PNISR: variants seen among roughly 807,000 people sequenced by gnomAD.
PNISR encodes the protein arginine/serine-rich protein PNISR.
PNISR carries 20 observed loss-of-function variants against 93.4 expected under a neutral mutation model. That is an observed-to-expected ratio of 0.21 (90% CI 0.15 to 0.31). The LOEUF is 0.31. Among genes scored for constraint, PNISR ranks in the 10% least tolerant of loss-of-function variants. The probability of loss-of-function intolerance (pLI) is 1.00; values close to 1 mark genes in which losing one functional copy is unlikely to be tolerated. For missense variants in PNISR, 893 were observed against 985.4 expected (o/e 0.91, Z 1.25); for synonymous variants, 305 against 306.5 (o/e 0.99, Z 0.05).
At chr6:99,408,649 C>T (rs1409316425) in intron 6 of PNISR, among the ~76,000 whole-genome samples, 2 of 152,170 alleles carry the variant, frequency 1.3e-5, no homozygotes, top group Non-Finnish European at 2.9e-5. Flanking sequence ...CCATTAAATA[C>T]TGAACAATTT....
chr6:99,399,062 T>C lies in PNISR; in HGVS notation c.*1478A>G, dbSNP rs1775167256. 1.3e-5 allele frequency: 2 copies of C among 152,130 alleles called. No homozygotes were observed. The highest frequency in any genetic ancestry group is 2.9e-5 in the Non-Finnish European group (2 of 67,956). The allele number at this position is 152,130 out of a possible 1,614,324, so 9.4% of individuals were successfully genotyped here. A position where few individuals can be genotyped will look rare whatever the true frequency, so the allele number is the denominator to read the frequency against. On this transcript the variant is annotated 3_prime_UTR_variant, in exon 12 of 12. Transcript: ENST00000369239. Reference sequence around the variant, plus strand: ...AGCACACTATACAAATCTATTTCTATCTTCATGTTGAGGAAACACTGATCT... The same window carrying C: ...AGCACACTATACAAATCTATTTCTACCTTCATGTTGAGGAAACACTGATCT...
chr6:99,410,692 AT>A (rs577326859), intron 5 of PNISR, 48 bp downstream of exon 5: 2 of 1,347,410 alleles, frequency 1.5e-6, no homozygotes, highest in South Asian at 2.4e-5. Context: ...CTTCCAAAGA[AT>A]GGATTACGTG....
intron 3 of PNISR, 97 bp from the exon 4 acceptor site, chr6:99,412,836 T>C (rs1777125590): frequency 1.3e-6 from 1 of 766,936 alleles, no homozygotes; most frequent in Non-Finnish European, 2.0e-6. Flanking sequence ...TCCTTAGATC[T>C]TAAATATTTC....
chr6:99,410,380 C>A, intron 5 of PNISR: 1 of 182,104 alleles, frequency 5.5e-6, no homozygotes, highest in Non-Finnish European at 1.2e-5. Flanking sequence ...ATTTTTTATT[C>A]ATGTCTTAAC....
At chr6:99,425,162 A>G (rs1409636707) in intron 1 of PNISR, 53 bp downstream of exon 1, 2 of 1,161,894 alleles carry the variant, frequency 1.7e-6, no homozygotes, top group Non-Finnish European at 1.1e-6. Context: ...AGAAACCAAG[A>G]ACGTTGTAAT....
chr6:99,409,196 A>G lies in PNISR; in HGVS notation c.650T>C (p.Val217Ala). The change falls in exon 6 of 12, where the codon GTG becomes GCG. Residue 217 changes from valine to alanine, a missense_variant. Physicochemically the swap from Val to Ala is moderately conservative, Grantham distance 64. Coordinates refer to ENST00000369239, the MANE Select transcript of PNISR (RefSeq NM_032870.4). Reference protein sequence around the residue: ...DRQRSPIALPVKQEPPQIDAV... With the variant: ...DRQRSPIALPAKQEPPQIDAV... ...ACCAATTTGTGGAGGCTCCTGCTTC[A>G]CAGGAAGTGCAATAGGTGAACGCTG... is the stretch of plus-strand genomic sequence containing the variant. The G allele has an allele frequency of 1.2e-6, 2 of 1,613,762 alleles. No homozygotes were observed. Among genetic ancestry groups the G allele is most frequent in the Non-Finnish European group, 1.7e-6 (2 of 1,179,734 alleles).
chr6:99,410,112 T>G (rs1378853884), intron 5 of PNISR: 1 of 152,256 alleles, frequency 6.6e-6, no homozygotes, highest in African/African-American at 2.4e-5. Context: ...AGTTAATAAT[T>G]GCAATCAGTT....
rs771796544 is a variant in PNISR, at chr6:99,400,849, C to A, written c.2109G>T (p.Lys703Asn). 1 of 1,605,138 alleles carries A rather than the reference C, an allele frequency of 6.2e-7. No individual in the cohort carries two copies. The highest frequency in any genetic ancestry group is 8.5e-7 in the Non-Finnish European group (1 of 1,175,262). ...TTAATCTATCATCCTGACTACTGAA[C>A]TTAAAATCTTTTTCTTCCCTTTTTT... is the stretch of plus-strand genomic sequence containing the variant. ...EKQKREEKDFKFSSQDDRLKR... is the reference protein window; with the variant it reads ...EKQKREEKDFNFSSQDDRLKR... The change falls in exon 12 of 12, where the codon AAG becomes AAT. Residue 703 changes from lysine to asparagine, a missense_variant. Around this residue, in one of 3 missense-constraint regions of PNISR, gnomAD observed 866 missense variants for 935.1 expected, o/e 0.93. Coordinates refer to ENST00000369239, the MANE Select transcript of PNISR (RefSeq NM_032870.4).
intron 8 of PNISR, among the ~76,000 whole-genome samples, chr6:99,405,326 G>C (rs896270498): frequency 6.6e-6 from 1 of 151,928 alleles, no homozygotes; most frequent in Non-Finnish European, 1.5e-5. Context: ...AATTAGCCAG[G>C]CATGGTGGTG....
intron 6 of PNISR, 41 bp from the exon 7 acceptor site, chr6:99,408,312 A>C: frequency 7.4e-7 from 1 of 1,351,206 alleles, no homozygotes; most frequent in East Asian, 2.3e-5. Context: ...CAGTTAAGTA[A>C]AATATTTCTA....
chr6:99,413,352 C>T (rs1337715681), intron 3 of PNISR, among the ~76,000 whole-genome samples: 2 of 152,048 alleles, frequency 1.3e-5, no homozygotes, highest in Non-Finnish European at 2.9e-5. Flanking sequence ...GACTCTCTTC[C>T]CAAGATACAT....
At chr6:99,419,473 C>T (rs377371551) in intron 1 of PNISR, among the ~76,000 whole-genome samples, 9 of 151,754 alleles carry the variant, frequency 5.9e-5, no homozygotes, top group East Asian at 1.9e-4. Context: ...CTGCATTAAG[C>T]GAAAAAAAGG....
intron 5 of PNISR, 159 bp downstream of exon 5, chr6:99,410,582 A>T: frequency 3.7e-6 from 2 of 536,264 alleles, no homozygotes; most frequent in South Asian, 6.9e-5. Context: ...AACAAATTCT[A>T]ATTATTTTAA....
Position 99,409,308 on chromosome 6 carries a change from G to T in PNISR, c.538C>A (p.His180Asn). Reference protein sequence around the residue: ...AAFGPPQGGFHPPYWQPGPPG... With the variant: ...AAFGPPQGGFNPPYWQPGPPG... ...GGTCCTGGTTGCCAATAAGGAGGAT[G>T]AAATCCACCTTGCGGTGGACCAAAA... The change falls in exon 6 of 12, where the codon CAT becomes AAT. Residue 180 changes from histidine to asparagine, a missense_variant. By Grantham distance (68) the His-to-Asn change is moderately conservative. Transcript: ENST00000369239. 6.2e-7 allele frequency: 1 copy of T among 1,613,852 alleles called. No individual in the cohort carries two copies. The highest frequency in any genetic ancestry group is 8.5e-7 in the Non-Finnish European group (1 of 1,179,920).
rs954723697 is a variant in PNISR at position 99,418,130 on chromosome 6, GTTA to G, written c.-111-1705_-111-1703del. On this transcript the variant is annotated intron_variant, in intron 1 of 11. Coordinates refer to ENST00000369239, the MANE Select transcript of PNISR (RefSeq NM_032870.4). ...TGTTTCATGGGTTGAAACTTTTATT[GTTA>G]TTATTATTATTATATTTTTTTTGAG... Among the ~76,000 whole-genome samples the G allele has an allele frequency of 9.9e-5, 15 of 151,662 alleles. No homozygotes were observed. In the East Asian group the frequency reaches 2.1e-3, roughly 22 times the overall value.
chr6:99,409,338 C>T lies in PNISR; in HGVS notation c.508G>A (p.Ala170Thr). The T allele has an allele frequency of 6.2e-7, 1 of 1,613,374 alleles. No homozygotes were observed. Among genetic ancestry groups the T allele is most frequent in the Non-Finnish European group, 8.5e-7 (1 of 1,179,770 alleles). ...CCACCTTGCGGTGGACCAAAAGCAG[C>T]CCCATGCTGAAAGAGTATTGCAGTT... ...PVNQFDYQHGAAFGPPQGGFH... is the reference protein window; with the variant it reads ...PVNQFDYQHGTAFGPPQGGFH... The change falls in exon 6 of 12, where the codon GCT becomes ACT. Residue 170 changes from alanine to threonine, a missense_variant. Physicochemically the swap from Ala to Thr is moderately conservative, Grantham distance 58. Transcript: ENST00000369239.
chr6:99,421,016 A>T (rs114248042), intron 1 of PNISR, among the ~76,000 whole-genome samples: 1 of 152,258 alleles, frequency 6.6e-6, no homozygotes, highest in African/African-American at 2.4e-5. Flanking sequence ...TGAAAATGAC[A>T]TTCCAATATT....
chr6:99,400,883 TTTC>T lies in PNISR; in HGVS notation c.2072_2074del (p.Arg691del). On this transcript the variant is annotated inframe_deletion, in exon 12 of 12. Coordinates refer to ENST00000369239, the MANE Select transcript of PNISR (RefSeq NM_032870.4). ...TTTTTCTTCCCTTTTTTGTTTCTCT[TTTC>T]TTTTATCCTGTTCACGTTCCCTTTC... 6.3e-7 allele frequency: 1 copy of T among 1,585,096 alleles called. No homozygotes were observed. Among genetic ancestry groups the T allele is most frequent in the Non-Finnish European group, 8.6e-7 (1 of 1,158,624 alleles).
intron 3 of PNISR, among the ~76,000 whole-genome samples, chr6:99,414,172 T>G (rs111997741): frequency 4.6e-5 from 7 of 152,350 alleles, no homozygotes; most frequent in Admixed American, 1.3e-4. Flanking sequence ...TACCTTTGTA[T>G]GTGTGCCTGA....
Sources: allele counts gnomAD v4.1 joint callset (sites outside exome capture counted in the v4.1 genomes callset), GRCh38; gene constraint gnomAD v4.1.1; regional missense constraint gnomAD v4.1.1; transcripts MANE v1.5; gene names NCBI Gene and HGNC (gene_info 2026-07-23, HGNC 2026-07-21).